DCDC1: variants seen among roughly 807,000 people sequenced by gnomAD.
DCDC1 encodes the protein doublecortin domain containing 1, also known as doublecortin domain-containing protein 1.
DCDC1 carries 200 observed loss-of-function variants against 178.3 expected under a neutral mutation model. The observed-to-expected ratio is 1.12, with a 90% CI of 1.00 to 1.26. DCDC1 has a LOEUF of 1.26. Among genes scored for constraint, DCDC1 ranks in the 50% most tolerant of loss-of-function variants. The pLI is 0.00. For missense variants in DCDC1, 1,983 were observed against 1,749.2 expected (o/e 1.13, Z -2.38); for synonymous variants, 690 against 604.8 (o/e 1.14, Z -2.07).
chr11:30,904,904 A>T (rs1944950044), intron 31 of DCDC1, 57 bp downstream of exon 31: 1 of 1,597,738 alleles, frequency 6.3e-7, no homozygotes, highest in Non-Finnish European at 8.6e-7. Context: ...TTTAAGAAGA[A>T]TTGCCATTGT....
chr11:31,009,648 G>A (rs1952055692), intron 20 of DCDC1, among the ~76,000 whole-genome samples: 3 of 152,076 alleles, frequency 2.0e-5, no homozygotes, highest in African/African-American at 7.2e-5. Context: ...AACCAGTCAG[G>A]CAGGGTGCAA....
intron 15 of DCDC1, among the ~76,000 whole-genome samples, chr11:31,098,386 T>C (rs1259639026): frequency 6.6e-6 from 1 of 152,174 alleles, no homozygotes; most frequent in Non-Finnish European, 1.5e-5. Context: ...CAAATCTGTT[T>C]TTGAAATGGA....
At chr11:31,131,128 G>T in intron 10 of DCDC1, among the ~76,000 whole-genome samples, 1 of 100,620 alleles carries the variant, frequency 9.9e-6, no homozygotes, top group Admixed American at 9.7e-5. Context: ...CTTGCAGTGA[G>T]CCGAGATTGC....
chr11:31,039,494 T>C (rs1954294383), intron 20 of DCDC1, among the ~76,000 whole-genome samples: 1 of 152,294 alleles, frequency 6.6e-6, no homozygotes, highest in African/African-American at 2.4e-5. Context: ...TTGTAAATTA[T>C]GGATAATATT....
At chr11:31,001,970 C>T (rs975325397) in intron 20 of DCDC1, among the ~76,000 whole-genome samples, 6 of 152,274 alleles carry the variant, frequency 3.9e-5, no homozygotes, top group African/African-American at 1.4e-4. Flanking sequence ...TGTAAATATG[C>T]TATGTTCAGT....
chr11:31,088,016 A>T (rs1387039625), intron 17 of DCDC1, among the ~76,000 whole-genome samples: 1 of 152,226 alleles, frequency 6.6e-6, no homozygotes, highest in Non-Finnish European at 1.5e-5. Flanking sequence ...TTAAAAAATT[A>T]GAATCGTTAT....
At chr11:31,264,654 A>G (rs576191144) in intron 8 of DCDC1, among the ~76,000 whole-genome samples, 5 of 152,316 alleles carry the variant, frequency 3.3e-5, no homozygotes, top group Admixed American at 3.3e-4. Flanking sequence ...AGCTTAGAAT[A>G]GTGCCTGGTC....
At chr11:31,343,100 T>C (rs773841762) in intron 1 of DCDC1, among the ~76,000 whole-genome samples, 3 of 152,148 alleles carry the variant, frequency 2.0e-5, no homozygotes, top group Non-Finnish European at 4.4e-5. Flanking sequence ...ACCCCATCTC[T>C]ACAAATAAAA....
chr11:31,020,432 A>G (rs927821112), intron 20 of DCDC1, among the ~76,000 whole-genome samples: 1 of 152,152 alleles, frequency 6.6e-6, no homozygotes, highest in Non-Finnish European at 1.5e-5. Flanking sequence ...TAAAACACAC[A>G]TTAAAAAAGA....
Position 30,908,945 on chromosome 11 carries a change from C to T in DCDC1, c.3918+1G>A, listed in dbSNP as rs1945262260. 1 of 1,591,664 alleles carries T rather than the reference C, an allele frequency of 6.3e-7. No homozygotes were observed. The highest frequency in any genetic ancestry group is 1.7e-5 in the Admixed American group (1 of 58,156). On this transcript the variant is annotated splice_donor_variant, in intron 29 of 38. Coordinates refer to ENST00000684477, the MANE Select transcript of DCDC1 (RefSeq NM_001387274.1). LOFTEE classifies it high-confidence loss of function. ...ATCTTTGAGAGGAAGGAACCACTTA[C>T]TGGTTGATCAATGTTTTCTTCTTTA...
At position 30,920,938 on chromosome 11, in the gene DCDC1, G is replaced by A; in HGVS notation, c.3134-3C>T. 6.2e-7 allele frequency: 1 copy of A among 1,606,158 alleles called. No individual in the cohort carries two copies. The highest frequency in any genetic ancestry group is 2.2e-5 in the East Asian group (1 of 44,752). On this transcript the variant is annotated splice_polypyrimidine_tract_variant and splice_region_variant and intron_variant, in intron 24 of 38. Transcript: ENST00000684477. ...ACTTTGGACTTCTAAAACAAGAGCT[G>A]AGCAGAAATTCACAAATTGCAAAGA... is the stretch of plus-strand genomic sequence containing the variant.
intron 7 of DCDC1, among the ~76,000 whole-genome samples, chr11:31,287,009 A>T (rs189245799): frequency 1.3e-5 from 2 of 152,174 alleles, no homozygotes; most frequent in East Asian, 3.9e-4. Flanking sequence ...GATAATTAGG[A>T]ACCCAACCCC....
chr11:31,364,611 G>A (rs1288834926), intron 1 of DCDC1, among the ~76,000 whole-genome samples: 6 of 152,046 alleles, frequency 3.9e-5, no homozygotes, highest in African/African-American at 7.2e-5. Context: ...TGCGGTGCCC[G>A]CAAAAAATAT....
At chr11:30,949,565 T>C (rs1023332706) in intron 21 of DCDC1, among the ~76,000 whole-genome samples, 8 of 152,176 alleles carry the variant, frequency 5.3e-5, no homozygotes, top group African/African-American at 1.7e-4. Context: ...TGTATGCTTA[T>C]TGTGGCACTA....
At chr11:30,866,713 A>C (rs182761798) in intron 38 of DCDC1, among the ~76,000 whole-genome samples, 11 of 152,124 alleles carry the variant, frequency 7.2e-5, no homozygotes, top group Admixed American at 2.0e-4. Flanking sequence ...GAGACAACAC[A>C]CTTTTGTTGT....
intron 8 of DCDC1, among the ~76,000 whole-genome samples, chr11:31,246,635 T>A (rs1472186662): frequency 6.6e-6 from 1 of 151,948 alleles, no homozygotes; most frequent in African/African-American, 2.4e-5. Context: ...TTATCCAGCT[T>A]TACGAAATAG....
intron 20 of DCDC1, among the ~76,000 whole-genome samples, chr11:31,008,390 G>A (rs1306249182): frequency 6.6e-6 from 1 of 152,104 alleles, no homozygotes; most frequent in Non-Finnish European, 1.5e-5. Context: ...AAATATGGAG[G>A]GTAGTGAGAG....
At position 30,925,392 on chromosome 11, in the gene DCDC1, T is replaced by G; in HGVS notation, c.2914A>C (p.Asn972His). ...GRKTQCTEIL[N>H]LPSAARRLYN... is the part of the protein sequence containing the mutation. ...AATCTCCGAGCTGCAGAAGGTAAAT[T>G]TAAAATCTCAGTGCACCTGTAATAA... is the stretch of plus-strand genomic sequence containing the variant. The change falls in exon 23 of 39, where the codon AAT becomes CAT. Residue 972 changes from asparagine to histidine, a missense_variant. By Grantham distance (68) the Asn-to-His change is moderately conservative. Transcript: ENST00000684477. The G allele has an allele frequency of 6.2e-7, 1 of 1,613,778 alleles. No individual in the cohort carries two copies. Among genetic ancestry groups the G allele is most frequent in the Non-Finnish European group, 8.5e-7 (1 of 1,179,788 alleles).
chr11:30,953,103 T>G (rs891098701), intron 20 of DCDC1, among the ~76,000 whole-genome samples: 2 of 151,726 alleles, frequency 1.3e-5, no homozygotes, highest in African/African-American at 4.8e-5. Flanking sequence ...CATGGAATAT[T>G]TGTAATATTT....
Sources: allele counts gnomAD v4.1 joint callset (sites outside exome capture counted in the v4.1 genomes callset), GRCh38; gene constraint gnomAD v4.1.1; transcripts MANE v1.5; gene names NCBI Gene and HGNC (gene_info 2026-07-23, HGNC 2026-07-21).